CSMD1: variants seen among roughly 807,000 people sequenced by gnomAD.
CSMD1 encodes the protein CUB and Sushi multiple domains 1, also known as CUB and sushi domain-containing protein 1.
A neutral mutation model predicts 417.5 loss-of-function variants in CSMD1; 213 were observed. The observed-to-expected ratio is 0.51, with a 90% CI of 0.46 to 0.57. CSMD1 has a LOEUF of 0.57. Ranked by LOEUF, CSMD1 falls within the 20% of genes least tolerant of loss-of-function variation. CSMD1 has a pLI of 0.00. For synonymous variants in CSMD1, 2,862 were observed against 1,736.8 expected, an observed-to-expected ratio of 1.65 and a Z score of -16.11; for missense variants, 6,923 against 4,529.7, an observed-to-expected ratio of 1.53 and a Z score of -15.17.
chr8:3,901,503 C>G (rs1807749110), intron 5 of CSMD1, among the ~76,000 whole-genome samples: 1 of 152,170 alleles, frequency 6.6e-6, no homozygotes. Flanking sequence ...CAGTTCTGAA[C>G]CAAGGGAGCC....
At chr8:2,984,402 G>A (rs1459337104) in intron 54 of CSMD1, among the ~76,000 whole-genome samples, 4 of 151,558 alleles carry the variant, frequency 2.6e-5, no homozygotes, top group Non-Finnish European at 5.9e-5. Context: ...AGGCTGGAGT[G>A]CAGTGGCATT....
intron 2 of CSMD1, among the ~76,000 whole-genome samples, chr8:4,616,789 G>A (rs967245705): frequency 6.6e-6 from 1 of 152,146 alleles, no homozygotes; most frequent in Non-Finnish European, 1.5e-5. Context: ...CTTATTTGTA[G>A]AATCCAGAGG....
chr8:4,816,994 G>C (rs1034572178), intron 1 of CSMD1, among the ~76,000 whole-genome samples: 3 of 152,192 alleles, frequency 2.0e-5, no homozygotes, highest in Admixed American at 6.5e-5. Flanking sequence ...ACCAAACACA[G>C]ATAAGAGCAG....
At chr8:3,285,769 G>T (rs1270983854) in intron 25 of CSMD1, among the ~76,000 whole-genome samples, 1 of 151,578 alleles carries the variant, frequency 6.6e-6, no homozygotes, top group Non-Finnish European at 1.5e-5. Context: ...CAAATCATTG[G>T]TTCTTTCTCT....
chr8:4,832,526 A>C lies in CSMD1; in HGVS notation c.85+161806T>G, dbSNP rs1585178378. Among the ~76,000 whole-genome samples the C allele has an allele frequency of 7.9e-5, 12 of 152,274 alleles. No homozygotes were observed. In the South Asian group the frequency reaches 2.5e-3, roughly 32 times the overall value. On this transcript the variant is annotated intron_variant, in intron 1 of 69. Coordinates refer to ENST00000635120, the MANE Select transcript of CSMD1 (RefSeq NM_033225.6). ...AGGCAGAAGGAACTGTGTGAGCTAAAACATGGAGGCATGAGGTATGCAAGG... is the reference window on the plus strand; with the variant it reads ...AGGCAGAAGGAACTGTGTGAGCTAACACATGGAGGCATGAGGTATGCAAGG...
intron 3 of CSMD1, among the ~76,000 whole-genome samples, chr8:4,100,273 T>C (rs1416698411): frequency 6.6e-6 from 1 of 152,170 alleles, no homozygotes; most frequent in Non-Finnish European, 1.5e-5. Flanking sequence ...GTCATAGTAT[T>C]CATCCTTTTT....
chr8:4,246,689 C>G (rs1417214941), intron 3 of CSMD1, among the ~76,000 whole-genome samples: 1 of 151,956 alleles, frequency 6.6e-6, no homozygotes, highest in Non-Finnish European at 1.5e-5. Flanking sequence ...CCCATTTTTC[C>G]TTAATTTTTC....
At chr8:2,967,949 T>A (rs1260815200) in intron 57 of CSMD1, among the ~76,000 whole-genome samples, 3 of 152,174 alleles carry the variant, frequency 2.0e-5, no homozygotes, top group African/African-American at 7.2e-5. Context: ...CCTGGTCCCG[T>A]GCCAATGGCA....
chr8:3,488,942 T>C (rs1438430038), intron 11 of CSMD1, among the ~76,000 whole-genome samples: 3 of 152,224 alleles, frequency 2.0e-5, no homozygotes, highest in Non-Finnish European at 2.9e-5. Context: ...ACCGAAAATG[T>C]ATTTAAGTCA....
intron 7 of CSMD1, among the ~76,000 whole-genome samples, chr8:3,643,856 C>G (rs1384193): frequency 0.64 from 97,750 of 151,942 alleles, 32,216 homozygotes; most frequent in African/African-American, 0.8. Context: ...TGTTAATTAG[C>G]TTAATGAATT....
chr8:4,220,051 G>C (rs1346089148), intron 3 of CSMD1, among the ~76,000 whole-genome samples: 4 of 152,080 alleles, frequency 2.6e-5, no homozygotes, highest in African/African-American at 7.2e-5. Context: ...TCAGGTTTAA[G>C]CAATTCTCGT....
chr8:4,122,636 G>T (rs10088637), intron 3 of CSMD1, among the ~76,000 whole-genome samples: 2 of 151,896 alleles, frequency 1.3e-5, no homozygotes, highest in Non-Finnish European at 2.9e-5. Context: ...GCCTCCAATC[G>T]CCAAACCAAA....
intron 3 of CSMD1, among the ~76,000 whole-genome samples, chr8:4,070,167 A>T (rs1054377193): frequency 6.6e-6 from 1 of 152,058 alleles, no homozygotes; most frequent in Admixed American, 6.5e-5. Flanking sequence ...TAAAGAATGC[A>T]ATTTTAGAGG....
At chr8:3,170,408 C>A (rs1347955694) in intron 37 of CSMD1, among the ~76,000 whole-genome samples, 2 of 152,128 alleles carry the variant, frequency 1.3e-5, no homozygotes, top group Non-Finnish European at 2.9e-5. Context: ...CGGGGTTTCA[C>A]TGTGTTAGCC....
intron 3 of CSMD1, among the ~76,000 whole-genome samples, chr8:4,220,210 CAG>C (rs1800944056): frequency 6.6e-6 from 1 of 152,214 alleles, no homozygotes; most frequent in Non-Finnish European, 1.5e-5. Context: ...CTTCGCCTCT[CAG>C]AGTGCCGGGA....
At chr8:3,856,204 T>C (rs191690797) in intron 5 of CSMD1, among the ~76,000 whole-genome samples, 235 of 152,160 alleles carry the variant, frequency 1.5e-3, no homozygotes, top group Admixed American at 2.4e-3. Context: ...GTTCTCATGA[T>C]AGAGTTCTCA....
At chr8:3,302,938 T>C (rs1804530692) in intron 25 of CSMD1, among the ~76,000 whole-genome samples, 1 of 152,168 alleles carries the variant, frequency 6.6e-6, no homozygotes, top group South Asian at 2.1e-4. Flanking sequence ...CCTACATGTC[T>C]GGTAAGGTCA....
chr8:4,296,321 C>A (rs1272060360), intron 3 of CSMD1, among the ~76,000 whole-genome samples: 2 of 152,074 alleles, frequency 1.3e-5, no homozygotes, highest in African/African-American at 2.4e-5. Context: ...GTTATAAATT[C>A]TATAGTTCAG....
rs113045067 is a variant in CSMD1 at position 4,439,664 on chromosome 8, G to C, written c.303-19599C>G. ...GCAAAATGGAAGTTGGTAGGAGTGC[G>C]TACTATGAAAATGTGTGCTTATTAA... On this transcript the variant is annotated intron_variant, in intron 2 of 69. Coordinates refer to ENST00000635120, the MANE Select transcript of CSMD1 (RefSeq NM_033225.6). Among the ~76,000 whole-genome samples the C allele has an allele frequency of 6.4e-3, 975 of 152,194 alleles. 7 individuals are homozygous for C. The highest frequency in any genetic ancestry group is 0.022 in the African/African-American group (926 of 41,526).
Sources: gnomAD v4.1 joint callset for allele counts (sites outside exome capture counted in the v4.1 genomes callset) on GRCh38, gnomAD v4.1.1 for gene constraint, MANE v1.5 for transcripts, NCBI Gene and HGNC (gene_info 2026-07-23, HGNC 2026-07-21) for gene names.